The following ALKBH1 variants were observed in gnomAD, a reference collection of about 807,000 sequenced individuals.
The protein encoded by ALKBH1 is nucleic acid dioxygenase ALKBH1.
ALKBH1 carries 31 observed loss-of-function variants against 36.6 expected under a neutral mutation model. That is an observed-to-expected ratio of 0.85 (90% CI 0.64 to 1.14). ALKBH1 has a LOEUF of 1.14. Ranked by LOEUF, ALKBH1 falls within the 50% of genes most tolerant of loss-of-function variation. The pLI is 0.00. For missense variants in ALKBH1, 490 were observed against 497.3 expected (o/e 0.99, Z 0.14); for synonymous variants, 183 against 186.6 (o/e 0.98, Z 0.16).
Position 77,674,028 on chromosome 14 carries a change from C to A in ALKBH1, c.954G>T (p.Met318Ile), listed in dbSNP as rs1364502547. Residue 318 changes from methionine to isoleucine, a missense_variant, in exon 6 of 6, where the codon ATG becomes ATT. Physicochemically the swap from Met to Ile is conservative, Grantham distance 10. Transcript: ENST00000216489. ...AGTCCTCCATAGAACAAGGCTCTAC[C>A]ATTGAATCTCTCGGGAGGACAGCAG... ...PLPAVLPRDSMVEPCSMEDWQ... is the reference protein window; with the variant it reads ...PLPAVLPRDSIVEPCSMEDWQ... 6.2e-7 allele frequency: 1 copy of A among 1,614,048 alleles called. No individual in the cohort carries two copies. Among genetic ancestry groups the A allele is most frequent in the African/African-American group, 1.3e-5 (1 of 74,902 alleles).
At chr14:77,675,502 C>A (rs1423003909) in intron 5 of ALKBH1, among the ~76,000 whole-genome samples, 154 bp downstream of exon 5, 1 of 151,916 alleles carries the variant, frequency 6.6e-6, no homozygotes, top group East Asian at 1.9e-4. Context: ...AACAGAGATA[C>A]TAACTATAAT....
At position 77,680,677 on chromosome 14, in the gene ALKBH1, C is replaced by CTCTCT. The variant is rs774703181; in HGVS notation, c.456-708_456-707insAGAGA. On this transcript the variant is annotated intron_variant, in intron 3 of 5. Coordinates refer to ENST00000216489, the MANE Select transcript of ALKBH1 (RefSeq NM_006020.3). Reference sequence around the variant, plus strand: ...GATCAAATCTATGTGATTAACTACTCTTTTTTTTTTTTTTTTTTTGAGACA... The same window carrying CTCTCT: ...GATCAAATCTATGTGATTAACTACTCTCTCTTTTTTTTTTTTTTTTTTTTGAGACA... Among the ~76,000 whole-genome samples, 255 of 124,338 alleles carry CTCTCT rather than the reference C, an allele frequency of 2.1e-3. 3 individuals carry two copies. The highest frequency in any genetic ancestry group is 5.6e-3 in the Admixed American group (70 of 12,550). 81.6% of individuals were successfully genotyped at this position (124,338 alleles called of 152,430 possible).
At chr14:77,706,741 A>G (rs1285729773) in intron 1 of ALKBH1, among the ~76,000 whole-genome samples, 1 of 152,214 alleles carries the variant, frequency 6.6e-6, no homozygotes, top group Admixed American at 6.5e-5. Flanking sequence ...GGAGAGAAAA[A>G]GTATATTATT....
In ALKBH1 at chr14:77,673,779, G is replaced by A. The variant is rs368917455; in HGVS notation, c.*33C>T. Reference sequence around the variant, plus strand: ...TAACATGATCATTTACGGTAAGCAGGTGCCTGAGTAAAAAGGATGGGATCT... The same window carrying A: ...TAACATGATCATTTACGGTAAGCAGATGCCTGAGTAAAAAGGATGGGATCT... On this transcript the variant is annotated 3_prime_UTR_variant, in exon 6 of 6. Coordinates refer to ENST00000216489, the MANE Select transcript of ALKBH1 (RefSeq NM_006020.3). The A allele has an allele frequency of 3.2e-6, 5 of 1,584,978 alleles. No homozygotes were observed. The highest frequency in any genetic ancestry group is 4.3e-6 in the Non-Finnish European group (5 of 1,162,876).
In ALKBH1 at chr14:77,673,224, C is replaced by T. The variant is rs2080185928; in HGVS notation, c.*588G>A. ...GGTTTACCTATATTTATCTTTTAGG[C>T]AAGAGAGATAGTTGTGATTAATTTC... is the stretch of plus-strand genomic sequence containing the variant. On this transcript the variant is annotated 3_prime_UTR_variant, in exon 6 of 6. Coordinates refer to ENST00000216489, the MANE Select transcript of ALKBH1 (RefSeq NM_006020.3). 6.6e-6 allele frequency: 1 copy of T among 152,354 alleles called. No homozygotes were observed. Among genetic ancestry groups the T allele is most frequent in the African/African-American group, 2.4e-5 (1 of 41,422 alleles). The allele number at this position is 152,354 out of a possible 1,614,324, so 9.4% of individuals were successfully genotyped here. A position where few individuals can be genotyped will look rare whatever the true frequency, so the allele number is the denominator to read the frequency against.
chr14:77,677,098 G>A (rs1217801662), intron 4 of ALKBH1, among the ~76,000 whole-genome samples: 2 of 151,432 alleles, frequency 1.3e-5, no homozygotes, highest in East Asian at 1.9e-4. Context: ...GGAGTGCAGT[G>A]GTACGATCTC....
chr14:77,690,777 T>C (rs1346604066), intron 3 of ALKBH1, among the ~76,000 whole-genome samples: 2 of 152,068 alleles, frequency 1.3e-5, no homozygotes, highest in Non-Finnish European at 1.5e-5. Flanking sequence ...TTACAAACAA[T>C]GTCACAATGA....
intron 3 of ALKBH1, among the ~76,000 whole-genome samples, chr14:77,680,553 C>T (rs1345441966): frequency 6.6e-6 from 1 of 152,158 alleles, no homozygotes; most frequent in Non-Finnish European, 1.5e-5. Context: ...ACAATTAAGG[C>T]ACCACTGTAA....
At chr14:77,699,631 G>C (rs371330428) in intron 2 of ALKBH1, among the ~76,000 whole-genome samples, 1 of 152,128 alleles carries the variant, frequency 6.6e-6, no homozygotes, top group Non-Finnish European at 1.5e-5. Context: ...CCCATCACAA[G>C]GCTAGCACAC....
chr14:77,704,564 T>C (rs2080377989), intron 1 of ALKBH1, 87 bp from the exon 2 acceptor site: 3 of 964,712 alleles, frequency 3.1e-6, no homozygotes, highest in Non-Finnish European at 3.3e-6. Flanking sequence ...ACATTTCTTG[T>C]ATGAGGCAAA....
intron 5 of ALKBH1, among the ~76,000 whole-genome samples, chr14:77,674,442 C>T (rs1006573382): frequency 2.6e-5 from 4 of 152,134 alleles, no homozygotes. Flanking sequence ...TGACCTTCTA[C>T]CTATAGTTAT....
intron 2 of ALKBH1, among the ~76,000 whole-genome samples, chr14:77,699,925 G>A (rs1189221129): frequency 6.6e-6 from 1 of 151,918 alleles, no homozygotes; most frequent in African/African-American, 2.4e-5. Context: ...CGTGGTGGCG[G>A]GCGCCTGTAG....
chr14:77,679,790 A>C, intron 4 of ALKBH1, 90 bp downstream of exon 4: 1 of 965,478 alleles, frequency 1.0e-6, no homozygotes, highest in South Asian at 1.4e-5. Flanking sequence ...TATAATCTTG[A>C]TATCTTAAGC....
intron 2 of ALKBH1, among the ~76,000 whole-genome samples, chr14:77,700,167 C>T (rs1228322652): frequency 6.6e-6 from 1 of 151,990 alleles, no homozygotes; most frequent in African/African-American, 2.4e-5. Flanking sequence ...GATTTAAAAC[C>T]ACATATGGTT....
Position 77,674,104 on chromosome 14 carries a change from A to G in ALKBH1, c.878T>C (p.Leu293Pro), listed in dbSNP as rs1313599439. ...RLLNHAVPRV[L>P]PNPEGEGLPH... is the part of the protein sequence containing the mutation. Reference sequence around the variant, plus strand: ...CAGGCCTTCCCCTTCTGGATTTGGAAGGACACGAGGGACTGCGTGGTTCAA... The same window carrying G: ...CAGGCCTTCCCCTTCTGGATTTGGAGGGACACGAGGGACTGCGTGGTTCAA... The change falls in exon 6 of 6, where the codon CTT (leucine) becomes CCT (proline). Residue 293 changes from leucine (L) to proline (P), a missense_variant. Transcript: ENST00000216489. The G allele has an allele frequency of 1.2e-6, 2 of 1,614,194 alleles. No homozygotes were observed. Among genetic ancestry groups the G allele is most frequent in the Non-Finnish European group, 1.7e-6 (2 of 1,180,034 alleles).
chr14:77,685,979 T>G (rs2080266328), intron 3 of ALKBH1, among the ~76,000 whole-genome samples: 1 of 152,178 alleles, frequency 6.6e-6, no homozygotes, highest in Non-Finnish European at 1.5e-5. Flanking sequence ...TGTAAGTGCA[T>G]TAGACCCTCA....
Position 77,682,945 on chromosome 14 carries a change from C to T in ALKBH1, c.456-2975G>A, listed in dbSNP as rs148439883. 7.7e-3 allele frequency among the ~76,000 whole-genome samples: 1,167 copies of T among 152,284 alleles called. 10 individuals carry two copies. The highest frequency in any genetic ancestry group is 0.027 in the African/African-American group (1,123 of 41,546). On this transcript the variant is annotated intron_variant, in intron 3 of 5. Coordinates refer to ENST00000216489, the MANE Select transcript of ALKBH1 (RefSeq NM_006020.3). ...CTCCTGACCTCAGGTGGTCCACCCG[C>T]CTCGGCCTCCCAAAGTGCTGGGATT...
chr14:77,695,322 C>T (rs538716616), intron 2 of ALKBH1, among the ~76,000 whole-genome samples: 5 of 152,250 alleles, frequency 3.3e-5, no homozygotes, highest in East Asian at 3.9e-4. Flanking sequence ...TAATGAATGG[C>T]GTGCTCATTA....
chr14:77,686,950 CCA>C (rs145302040), intron 3 of ALKBH1, among the ~76,000 whole-genome samples: 3,169 of 152,252 alleles, frequency 0.021, 100 homozygotes, highest in African/African-American at 0.07. Flanking sequence ...TTGAGTGCTT[CCA>C]GTTTTCTCTC....
Sources: gnomAD v4.1 joint callset for allele counts (sites outside exome capture counted in the v4.1 genomes callset) on GRCh38, gnomAD v4.1.1 for gene constraint, MANE v1.5 for transcripts, NCBI Gene and HGNC (gene_info 2026-07-23, HGNC 2026-07-21) for gene names.